Variants in RALGAPB observed in about 807,000 individuals in gnomAD.
RALGAPB encodes the protein Ral GTPase activating protein non-catalytic subunit beta.
A neutral mutation model predicts 161.1 loss-of-function variants in RALGAPB; 25 were observed. The ratio of observed to expected loss-of-function variants is 0.16; its 90% confidence interval spans 0.11 to 0.22. The LOEUF (loss-of-function observed/expected upper bound fraction) is 0.22, where lower values mean the gene tolerates loss of function less well. RALGAPB is among the 10% of genes least tolerant of loss of function. The pLI is 1.00. For missense variants in RALGAPB, 1,391 were observed against 1,815.2 expected, an observed-to-expected ratio of 0.77 and a Z score of 4.25; for synonymous variants, 629 against 626.1, an observed-to-expected ratio of 1.00 and a Z score of -0.07.
rs568999858 is a variant in RALGAPB at position 38,474,435 on chromosome 20, C to G, written c.-31+1366C>G. 5.3e-5 allele frequency among the ~76,000 whole-genome samples: 8 copies of G among 152,090 alleles called. No homozygotes were observed. In the East Asian group the frequency reaches 1.4e-3, roughly 26 times the overall value. Reference sequence around the variant, plus strand: ...CTCTCAAGTAGCTGGGACTACCACGCTTGGCTAATTTTTGAATTTTTTTTG... The same window carrying G: ...CTCTCAAGTAGCTGGGACTACCACGGTTGGCTAATTTTTGAATTTTTTTTG... On this transcript the variant is annotated intron_variant, in intron 1 of 29. Coordinates refer to ENST00000262879, the MANE Select transcript of RALGAPB (RefSeq NM_020336.4).
intron 19 of RALGAPB, chr20:38,547,120 T>G (rs918732582): frequency 6.6e-6 from 1 of 152,248 alleles, no homozygotes; most frequent in African/African-American, 2.4e-5. Flanking sequence ...CTGAAAATCC[T>G]TCAGTGATTT....
In RALGAPB at chr20:38,558,362, A is replaced by T. The variant is rs1174500332; in HGVS notation, c.3440A>T (p.Asp1147Val). Residue 1147 changes from aspartate to valine, a missense_variant, in exon 23 of 30, where the codon GAT (aspartate) becomes GTT (valine). This residue lies in a region of RALGAPB where 436 missense variants were observed against 527.0 expected (regional missense o/e 0.83). Transcript: ENST00000262879. ...GATTCCACGATACCTGGATTTTTTG[A>T]TGACATTGGGTATCTGGATCTCTTG... ...ALDSTIPGFF[D>V]DIGYLDLLPC... 26 of 1,607,900 alleles carry T rather than the reference A, an allele frequency of 1.6e-5. No homozygotes were observed. The highest frequency in any genetic ancestry group is 2.2e-5 in the Non-Finnish European group (26 of 1,176,422).
intron 13 of RALGAPB, among the ~76,000 whole-genome samples, chr20:38,527,983 G>T (rs1470389756): frequency 6.6e-6 from 1 of 152,166 alleles, no homozygotes; most frequent in Non-Finnish European, 1.5e-5. Flanking sequence ...CAGGACAATG[G>T]TTTCCTTGAT....
At chr20:38,543,984 C>T (rs975206483) in intron 18 of RALGAPB, among the ~76,000 whole-genome samples, 18 of 152,122 alleles carry the variant, frequency 1.2e-4, no homozygotes, top group African/African-American at 3.4e-4. Context: ...GTGCTGAACA[C>T]GTAGTAGAAA....
Position 38,574,970 on chromosome 20 carries a change from C to T in RALGAPB, c.*3C>T. ...GACTCAAGAACTGCAGTTCTTAGAC[C>T]ACTGAATTTCTAAGACTGTTGAACT... On this transcript the variant is annotated 3_prime_UTR_variant, in exon 30 of 30. Transcript: ENST00000262879. The T allele has an allele frequency of 6.2e-7, 1 of 1,600,096 alleles. No homozygotes were observed. Among genetic ancestry groups the T allele is most frequent in the Non-Finnish European group, 8.6e-7 (1 of 1,167,318 alleles).
chr20:38,510,385 T>TTTA (rs1421815890), intron 6 of RALGAPB, among the ~76,000 whole-genome samples: 4 of 152,336 alleles, frequency 2.6e-5, no homozygotes, highest in Admixed American at 6.5e-5. Flanking sequence ...TTATTTTAAC[T>TTTA]TTATAATATT....
intron 3 of RALGAPB, among the ~76,000 whole-genome samples, chr20:38,495,329 A>G (rs1033222399): frequency 1.3e-5 from 2 of 152,130 alleles, no homozygotes; most frequent in African/African-American, 2.4e-5. Context: ...TGAAGAGTAA[A>G]TCATCTTTTA....
At chr20:38,524,114 C>T (rs913546551) in intron 10 of RALGAPB, among the ~76,000 whole-genome samples, 2 of 152,070 alleles carry the variant, frequency 1.3e-5, no homozygotes, top group Non-Finnish European at 1.5e-5. Flanking sequence ...TGTTGAATAA[C>T]GGGAGATTGA....
chr20:38,555,595 C>T (rs2087559923), intron 22 of RALGAPB, among the ~76,000 whole-genome samples: 1 of 152,086 alleles, frequency 6.6e-6, no homozygotes, highest in African/African-American at 2.4e-5. Flanking sequence ...TAAAAATATA[C>T]TAGAAGAAAA....
intron 1 of RALGAPB, among the ~76,000 whole-genome samples, chr20:38,478,005 G>T (rs911685134): frequency 2.0e-5 from 3 of 152,158 alleles, no homozygotes; most frequent in Non-Finnish European, 4.4e-5. Flanking sequence ...CACACCTGTG[G>T]TCTGTTACTT....
At chr20:38,510,648 C>T (rs1304614886) in intron 6 of RALGAPB, among the ~76,000 whole-genome samples, 1 of 144,548 alleles carries the variant, frequency 6.9e-6, no homozygotes, top group African/African-American at 2.9e-5. Context: ...CGGTGGCTCA[C>T]GCCTGTAATC....
chr20:38,506,358 A>G (rs904214336), intron 5 of RALGAPB, among the ~76,000 whole-genome samples: 7 of 151,974 alleles, frequency 4.6e-5, no homozygotes, highest in South Asian at 2.1e-4. Context: ...CAGTGGTGCA[A>G]TCACAGCTTA....
intron 23 of RALGAPB, among the ~76,000 whole-genome samples, chr20:38,562,200 CT>C (rs1327256777): frequency 1.4e-4 from 21 of 152,184 alleles, no homozygotes; most frequent in African/African-American, 5.1e-4. Flanking sequence ...GACATAGTGT[CT>C]TTTAGTAAAC....
intron 16 of RALGAPB, among the ~76,000 whole-genome samples, chr20:38,539,287 T>G (rs1001909759): frequency 6.6e-6 from 1 of 152,118 alleles, no homozygotes; most frequent in Non-Finnish European, 1.5e-5. Flanking sequence ...ATGAAGAGAT[T>G]TGGAGGTGAT....
chr20:38,573,622 C>G (rs953926711), intron 28 of RALGAPB: 3 of 152,154 alleles, frequency 2.0e-5, no homozygotes, highest in African/African-American at 7.2e-5. Context: ...AGATTAATGG[C>G]TCTCCCAACG....
rs573972034 is a variant in RALGAPB at position 38,575,917 on chromosome 20, G to A, written c.*950G>A. ...GTAGTTTGTGAAGGATTCTAATATG[G>A]GGTTCAGGAATAGCCTCTCAACGCT... is the stretch of plus-strand genomic sequence containing the variant. On this transcript the variant is annotated 3_prime_UTR_variant, in exon 30 of 30. Coordinates refer to ENST00000262879, the MANE Select transcript of RALGAPB (RefSeq NM_020336.4). 8.5e-5 allele frequency: 13 copies of A among 152,554 alleles called. No homozygotes were observed. The highest frequency in any genetic ancestry group is 2.2e-4 in the African/African-American group (9 of 41,504). The allele number at this position is 152,554 out of a possible 1,614,324, so 9.5% of individuals were successfully genotyped here.
chr20:38,559,951 A>G (rs1223747499), intron 23 of RALGAPB, among the ~76,000 whole-genome samples: 1 of 152,182 alleles, frequency 6.6e-6, no homozygotes, highest in Non-Finnish European at 1.5e-5. Flanking sequence ...CTGTGACTAC[A>G]TGATCCTGGA....
At chr20:38,504,187 A>G (rs1290114584) in intron 5 of RALGAPB, among the ~76,000 whole-genome samples, 1 of 152,230 alleles carries the variant, frequency 6.6e-6, no homozygotes, top group African/African-American at 2.4e-5. Context: ...AAACTATACT[A>G]GAGGGCTACA....
intron 5 of RALGAPB, among the ~76,000 whole-genome samples, chr20:38,501,227 G>C (rs1348974292): frequency 6.6e-6 from 1 of 152,212 alleles, no homozygotes; most frequent in African/African-American, 2.4e-5. Flanking sequence ...GCTGAAGCCA[G>C]TGCTCATTTA....
Sources: gnomAD v4.1 joint callset for allele counts (sites outside exome capture counted in the v4.1 genomes callset) on GRCh38, gnomAD v4.1.1 for gene constraint, gnomAD v4.1.1 regional missense constraint, MANE v1.5 for transcripts, NCBI Gene and HGNC (gene_info 2026-07-23, HGNC 2026-07-21) for gene names.